CSMD1: variants seen among roughly 807,000 people sequenced by gnomAD.
CSMD1 encodes the protein CUB and sushi domain-containing protein 1.
CSMD1 carries 213 observed loss-of-function variants against 417.5 expected under a neutral mutation model. The ratio of observed to expected loss-of-function variants is 0.51; its 90% CI spans 0.46 to 0.57. CSMD1 has a LOEUF of 0.57. Among genes scored for constraint, CSMD1 ranks in the 20% least tolerant of loss-of-function variants. CSMD1 has a pLI of 0.00. For synonymous variants in CSMD1, 2,862 were observed against 1,736.8 expected, an observed-to-expected ratio of 1.65 and a Z score of -16.11; for missense variants, 6,923 against 4,529.7, an observed-to-expected ratio of 1.53 and a Z score of -15.17.
At chr8:3,768,089 C>A (rs779611128) in intron 5 of CSMD1, among the ~76,000 whole-genome samples, 3 of 152,078 alleles carry the variant, frequency 2.0e-5, no homozygotes, top group Non-Finnish European at 2.9e-5. Flanking sequence ...GATTTAGAGT[C>A]ATATATTTAA....
At chr8:4,355,283 G>C (rs1017387701) in intron 3 of CSMD1, among the ~76,000 whole-genome samples, 5 of 150,742 alleles carry the variant, frequency 3.3e-5, no homozygotes, top group African/African-American at 1.2e-4. Flanking sequence ...TACCTTTTGT[G>C]GACACAGGAA....
chr8:3,394,447 T>A (rs554257710), intron 17 of CSMD1, among the ~76,000 whole-genome samples: 2 of 152,148 alleles, frequency 1.3e-5, no homozygotes, highest in South Asian at 4.1e-4. Flanking sequence ...CTGCCTTCAC[T>A]TAGCCTTTGG....
chr8:4,205,499 G>C (rs548241837), intron 3 of CSMD1, among the ~76,000 whole-genome samples: 28 of 152,208 alleles, frequency 1.8e-4, no homozygotes, highest in Admixed American at 3.9e-4. Flanking sequence ...AGCCACTCGA[G>C]GTAACTATCT....
chr8:4,746,139 GC>G (rs930031694), intron 1 of CSMD1, among the ~76,000 whole-genome samples: 6 of 152,144 alleles, frequency 3.9e-5, no homozygotes, highest in African/African-American at 1.2e-4. Context: ...CCCTCTTTGG[GC>G]CCTGTTTCTT....
chr8:4,297,705 G>T (rs576758061), intron 3 of CSMD1, among the ~76,000 whole-genome samples: 1 of 152,142 alleles, frequency 6.6e-6, no homozygotes, highest in Non-Finnish European at 1.5e-5. Context: ...GGAGCCATCG[G>T]TGATCGCCTC....
At chr8:4,604,910 T>A (rs1334915012) in intron 2 of CSMD1, among the ~76,000 whole-genome samples, 1 of 152,214 alleles carries the variant, frequency 6.6e-6, no homozygotes, top group Non-Finnish European at 1.5e-5. Flanking sequence ...GGGTTCAGAA[T>A]CATGCTTGCG....
At chr8:4,088,844 G>C (rs1322876614) in intron 3 of CSMD1, among the ~76,000 whole-genome samples, 1 of 151,944 alleles carries the variant, frequency 6.6e-6, no homozygotes, top group African/African-American at 2.4e-5. Flanking sequence ...GGAATCACTA[G>C]TCTCCTGGTT....
At chr8:3,179,674 G>A (rs1238564820) in intron 37 of CSMD1, among the ~76,000 whole-genome samples, 9 of 152,122 alleles carry the variant, frequency 5.9e-5, no homozygotes, top group Admixed American at 5.9e-4. Flanking sequence ...AATGATAAGA[G>A]CATTCATCAA....
intron 12 of CSMD1, among the ~76,000 whole-genome samples, chr8:3,414,239 A>AAAAAAG (rs71199574): frequency 2.2e-5 from 3 of 135,634 alleles, no homozygotes; most frequent in Non-Finnish European, 4.7e-5. Context: ...AAAAAAAAAA[A>AAAAAAG]TGCTGTACAA....
At chr8:3,536,749 C>G (rs1204723301) in intron 10 of CSMD1, among the ~76,000 whole-genome samples, 1 of 152,112 alleles carries the variant, frequency 6.6e-6, no homozygotes, top group Non-Finnish European at 1.5e-5. Flanking sequence ...CCCCAATACC[C>G]AAAAGTGTCC....
chr8:3,502,725 C>T (rs1319390451), intron 10 of CSMD1, among the ~76,000 whole-genome samples: 1 of 152,086 alleles, frequency 6.6e-6, no homozygotes, highest in African/African-American at 2.4e-5. Flanking sequence ...GGATGAAGAG[C>T]AGGAGCACAG....
intron 50 of CSMD1, among the ~76,000 whole-genome samples, chr8:3,038,995 G>T (rs1231897857): frequency 6.6e-6 from 1 of 152,108 alleles, no homozygotes; most frequent in Non-Finnish European, 1.5e-5. Context: ...AATAGATGGC[G>T]ACAAGCAGAC....
intron 5 of CSMD1, among the ~76,000 whole-genome samples, chr8:3,813,991 G>C (rs1407324945): frequency 2.0e-5 from 3 of 152,260 alleles, no homozygotes; most frequent in Admixed American, 6.5e-5. Context: ...TAAGTAAAAG[G>C]AGAACCGTTC....
intron 7 of CSMD1, among the ~76,000 whole-genome samples, chr8:3,695,749 T>G (rs1800518138): frequency 6.6e-6 from 1 of 152,196 alleles, no homozygotes; most frequent in Admixed American, 6.5e-5. Flanking sequence ...AGCTAAACCC[T>G]AGTCTGAGCA....
chr8:4,906,111 G>T (rs1016456178), intron 1 of CSMD1, among the ~76,000 whole-genome samples: 2 of 152,142 alleles, frequency 1.3e-5, no homozygotes, highest in African/African-American at 2.4e-5. Context: ...ATCCTTGTAT[G>T]ATATATGGTA....
At chr8:4,366,709 TTTATTA>T (rs918813484) in intron 3 of CSMD1, among the ~76,000 whole-genome samples, 19 of 151,864 alleles carry the variant, frequency 1.3e-4, no homozygotes, top group African/African-American at 4.1e-4. Flanking sequence ...TTTCTTTTAT[TTTATTA>T]TTATTATTAG....
chr8:3,692,214 G>C (rs950747653), intron 7 of CSMD1, among the ~76,000 whole-genome samples: 16 of 152,154 alleles, frequency 1.1e-4, no homozygotes, highest in Non-Finnish European at 1.8e-4. Flanking sequence ...ATACACCTCA[G>C]TGTCCTGGGG....
intron 41 of CSMD1, among the ~76,000 whole-genome samples, chr8:3,126,374 G>C (rs1378250925): frequency 2.0e-5 from 3 of 152,166 alleles, no homozygotes; most frequent in Non-Finnish European, 4.4e-5. Context: ...CCCAGGAGGA[G>C]GCTACTGCTT....
At chr8:3,994,767 C>T (rs948225605) in intron 5 of CSMD1, among the ~76,000 whole-genome samples, 2 of 152,148 alleles carry the variant, frequency 1.3e-5, no homozygotes, top group African/African-American at 4.8e-5. Flanking sequence ...CCATGGCAAC[C>T]CTGACTTAAA....
Sources: allele counts gnomAD v4.1 joint callset (sites outside exome capture counted in the v4.1 genomes callset), GRCh38; gene constraint gnomAD v4.1.1; transcripts MANE v1.5; gene names NCBI Gene and HGNC (gene_info 2026-07-23, HGNC 2026-07-21).